Variants in EFHC2 observed in about 807,000 individuals in gnomAD.
The protein encoded by EFHC2 is EF-hand domain containing 2.
A neutral mutation model predicts 52.7 loss-of-function variants in EFHC2; 18 were observed. That is an observed-to-expected ratio of 0.34 (90% CI 0.24 to 0.51). The LOEUF (loss-of-function observed/expected upper bound fraction) is 0.51. Ranked by LOEUF, EFHC2 falls within the 20% of genes least tolerant of loss-of-function variation. EFHC2 has a pLI of 0.97. For missense variants in EFHC2, 513 were observed against 562.5 expected (o/e 0.91, Z 0.89); for synonymous variants, 203 against 204.1 (o/e 0.99, Z 0.04).
At chrX:44,208,239 C>A (rs1020287537) in intron 11 of EFHC2, among the ~76,000 whole-genome samples, 1 of 112,088 alleles carries the variant, frequency 8.9e-6, no homozygotes, top group Admixed American at 9.4e-5. Context: ...ATTGTGAATA[C>A]CACTTTTATA....
intron 4 of EFHC2, among the ~76,000 whole-genome samples, chrX:44,254,768 G>C (rs1024836509): frequency 1.8e-5 from 2 of 111,633 alleles, no homozygotes; most frequent in African/African-American, 6.5e-5. Context: ...AGGAAATACA[G>C]AGGAAACCAC....
At chrX:44,177,851 A>C (rs958588560) in intron 12 of EFHC2, among the ~76,000 whole-genome samples, 11 of 110,953 alleles carry the variant, frequency 9.9e-5, no homozygotes, top group African/African-American at 3.6e-4. Flanking sequence ...TTCTAGAAAC[A>C]AATGAAAAGA....
chrX:44,307,540 A>G (rs775671762), intron 2 of EFHC2, among the ~76,000 whole-genome samples: 74 of 112,203 alleles, frequency 6.6e-4, no homozygotes, highest in Non-Finnish European at 9.0e-4. Flanking sequence ...AATAGCGAAT[A>G]CAATTAACAA....
At chrX:44,267,973 G>A (rs931950310) in intron 3 of EFHC2, among the ~76,000 whole-genome samples, 7 of 111,937 alleles carry the variant, frequency 6.3e-5, no homozygotes, top group Admixed American at 9.5e-5. Flanking sequence ...ACAAAGCTTG[G>A]TGACAGAGTG....
intron 13 of EFHC2, among the ~76,000 whole-genome samples, chrX:44,166,353 A>G (rs1037464122): frequency 1.8e-5 from 2 of 111,349 alleles, no homozygotes; most frequent in Non-Finnish European, 3.8e-5. Flanking sequence ...AGTATTCAGG[A>G]TGACTCCAAT....
At chrX:44,170,536 T>C (rs1320124054) in intron 13 of EFHC2, among the ~76,000 whole-genome samples, 2 of 110,610 alleles carry the variant, frequency 1.8e-5, no homozygotes, top group Non-Finnish European at 3.8e-5. Flanking sequence ...CTGAAGGTTA[T>C]CTCCCCAAGT....
Position 44,263,944 on chromosome X carries a change from G to T in EFHC2, c.383-2646C>A, listed in dbSNP as rs1029845290. 2.7e-5 allele frequency among the ~76,000 whole-genome samples: 3 copies of T among 111,499 alleles called. No individual in the cohort carries two copies. In the East Asian group the frequency reaches 8.4e-4, roughly 31 times the overall value. ...GGTGGCAAAAACTGGCCCACCCACT[G>T]GGCTTTTAAATAATACTAATCACAA... On this transcript the variant is annotated intron_variant, in intron 3 of 14. Coordinates refer to ENST00000420999, the MANE Select transcript of EFHC2 (RefSeq NM_025184.4).
intron 14 of EFHC2, among the ~76,000 whole-genome samples, chrX:44,154,526 C>A (rs752879500): frequency 9.2e-6 from 1 of 108,666 alleles, no homozygotes; most frequent in Non-Finnish European, 1.9e-5. Context: ...CATAGTGAGA[C>A]CCTGTCTCTA....
chrX:44,241,467 G>A (rs1263898771), intron 8 of EFHC2, among the ~76,000 whole-genome samples: 5 of 112,044 alleles, frequency 4.5e-5, no homozygotes, highest in Admixed American at 1.9e-4. Context: ...TTAAAAACAC[G>A]TATAAATCCT....
chrX:44,283,553 T>C (rs2037727315), intron 2 of EFHC2, among the ~76,000 whole-genome samples: 1 of 98,498 alleles, frequency 1.0e-5, no homozygotes, highest in Admixed American at 1.1e-4. Flanking sequence ...TTTTTTTACA[T>C]CCGGGAAGTT....
At chrX:44,187,135 G>GTGTATATATATATATA (rs1556001678) in intron 11 of EFHC2, among the ~76,000 whole-genome samples, 8 of 61,753 alleles carry the variant, frequency 1.3e-4, no homozygotes, top group African/African-American at 5.8e-4. Flanking sequence ...AAACAAAATG[G>GTGTATATATATATATA]TATATATATA....
At chrX:44,288,221 G>A (rs1455371544) in intron 2 of EFHC2, among the ~76,000 whole-genome samples, 1 of 110,412 alleles carries the variant, frequency 9.1e-6, no homozygotes, top group Non-Finnish European at 1.9e-5. Context: ...AACTCAGATT[G>A]TCAAAAGCCA....
At chrX:44,166,537 A>G (rs1381365469) in intron 13 of EFHC2, among the ~76,000 whole-genome samples, 1 of 111,546 alleles carries the variant, frequency 9.0e-6, no homozygotes, top group Non-Finnish European at 1.9e-5. Context: ...ATTTGAAGAT[A>G]TAAATGTGGG....
intron 2 of EFHC2, chrX:44,310,381 G>T: frequency 1.0e-6 from 1 of 976,198 alleles, no homozygotes; most frequent in Non-Finnish European, 1.4e-6. Flanking sequence ...CCGGCGGCCT[G>T]TTCACCTTGT....
intron 13 of EFHC2, among the ~76,000 whole-genome samples, chrX:44,171,140 A>G (rs1324439763): frequency 9.0e-6 from 1 of 111,591 alleles, no homozygotes; most frequent in Non-Finnish European, 1.9e-5. Flanking sequence ...TCCTTTCTAG[A>G]TAATACGACC....
chrX:44,211,484 C>T (rs1435469024), intron 11 of EFHC2, among the ~76,000 whole-genome samples: 1 of 111,148 alleles, frequency 9.0e-6, no homozygotes, highest in Non-Finnish European at 1.9e-5. Flanking sequence ...GCTGAGATCG[C>T]ACCATTGCAC....
chrX:44,303,649 A>T (rs1479372959), intron 2 of EFHC2, among the ~76,000 whole-genome samples: 2 of 110,528 alleles, frequency 1.8e-5, no homozygotes, highest in Non-Finnish European at 3.8e-5. Flanking sequence ...AAAAAAAAAA[A>T]ATCAAGATGA....
chrX:44,258,588 C>T (rs915850018), intron 4 of EFHC2, among the ~76,000 whole-genome samples: 10 of 111,328 alleles, frequency 9.0e-5, no homozygotes, highest in African/African-American at 1.6e-4. Context: ...TACCATCTCA[C>T]GCCAGTTAGA....
At chrX:44,288,877 G>A (rs190582932) in intron 2 of EFHC2, among the ~76,000 whole-genome samples, 11 of 112,067 alleles carry the variant, frequency 9.8e-5, no homozygotes, top group African/African-American at 2.9e-4. Flanking sequence ...CTACAAATGT[G>A]TCTGTAATTA....
Sources: allele counts gnomAD v4.1 joint callset (sites outside exome capture counted in the v4.1 genomes callset), GRCh38; gene constraint gnomAD v4.1.1; transcripts MANE v1.5; gene names NCBI Gene and HGNC (gene_info 2026-07-23, HGNC 2026-07-21).